MDFIC: variants seen among roughly 807,000 people sequenced by gnomAD.
MDFIC encodes MyoD family inhibitor domain containing.
Under a neutral mutation model 23.2 loss-of-function variants are expected in MDFIC, and 17 were observed. The observed-to-expected ratio is 0.73, with a 90% confidence interval of 0.50 to 1.10. The LOEUF is 1.10. MDFIC is among the 50% of genes least tolerant of loss of function. The pLI is 0.00. For synonymous variants in MDFIC, 120 were observed against 115.2 expected, an observed-to-expected ratio of 1.04 and a Z score of -0.27; for missense variants, 356 against 316.6, an observed-to-expected ratio of 1.12 and a Z score of -0.95.
At chr7:114,924,541 C>T (rs1792153307) in intron 2 of MDFIC, among the ~76,000 whole-genome samples, 1 of 151,968 alleles carries the variant, frequency 6.6e-6, no homozygotes, top group South Asian at 2.1e-4. Flanking sequence ...TGGATGGTGT[C>T]ATGTGATCTG....
At chr7:114,998,988 G>A (rs1346664731) in intron 4 of MDFIC, among the ~76,000 whole-genome samples, 1 of 151,994 alleles carries the variant, frequency 6.6e-6, no homozygotes, top group Non-Finnish European at 1.5e-5. Flanking sequence ...TCTCATTTTG[G>A]TTGTTACTCC....
At chr7:114,927,951 A>T (rs573771056) in intron 2 of MDFIC, among the ~76,000 whole-genome samples, 1 of 148,794 alleles carries the variant, frequency 6.7e-6, no homozygotes, top group African/African-American at 2.5e-5. Flanking sequence ...GGTTTAAAAC[A>T]CTTTTTGAAT....
At position 114,937,557 on chromosome 7, in the gene MDFIC, A is replaced by G. The variant is rs192739494; in HGVS notation, c.95-4718A>G. ...TTCATTCATCCAGTTCAACCCTCTC[A>G]TTTCCTGATGAAGAGGATGAAGACA... On this transcript the variant is annotated intron_variant, in intron 2 of 4. Transcript: ENST00000393486. Among the ~76,000 whole-genome samples, 15 of 152,254 alleles carry G rather than the reference A, an allele frequency of 9.9e-5. No homozygotes were observed. In the East Asian group the frequency reaches 2.9e-3, roughly 29 times the overall value.
At chr7:114,942,917 G>A (rs1158059495) in intron 3 of MDFIC, among the ~76,000 whole-genome samples, 1 of 152,186 alleles carries the variant, frequency 6.6e-6, no homozygotes, top group Non-Finnish European at 1.5e-5. Context: ...GCAATACCTT[G>A]TCTTTTGGGT....
intron 2 of MDFIC, among the ~76,000 whole-genome samples, chr7:114,930,840 G>A (rs998522215): frequency 6.6e-6 from 1 of 152,198 alleles, no homozygotes; most frequent in Non-Finnish European, 1.5e-5. Flanking sequence ...TACAAAGGCA[G>A]AGGATAAATC....
intron 3 of MDFIC, among the ~76,000 whole-genome samples, chr7:114,968,909 G>A (rs189951347): frequency 7.2e-5 from 11 of 152,190 alleles, no homozygotes; most frequent in South Asian, 4.1e-4. Flanking sequence ...TTGTATGCTC[G>A]TCTACGTAAT....
At chr7:114,971,302 G>C (rs961394207) in intron 3 of MDFIC, among the ~76,000 whole-genome samples, 2 of 152,096 alleles carry the variant, frequency 1.3e-5, no homozygotes, top group Admixed American at 6.6e-5. Context: ...TCCCATTCTT[G>C]CCTTTACTTA....
At chr7:114,931,472 C>A (rs1236392231) in intron 2 of MDFIC, among the ~76,000 whole-genome samples, 1 of 151,940 alleles carries the variant, frequency 6.6e-6, no homozygotes, top group Non-Finnish European at 1.5e-5. Flanking sequence ...AGGGGAAAAC[C>A]CTGCCCACAA....
chr7:115,018,081 A>T lies in MDFIC; in HGVS notation c.*2146A>T, dbSNP rs1585126804. 2 of 152,010 alleles carry T rather than the reference A, an allele frequency of 1.3e-5. No individual in the cohort carries two copies. The highest frequency in any genetic ancestry group is 4.8e-5 in the African/African-American group (2 of 41,458). 9.4% of individuals were successfully genotyped at this position (152,010 alleles called of 1,614,324 possible). Reference sequence around the variant, plus strand: ...CAAAACCTTTAAATTTTGGGATCTGAATATAATTCTGGTAAACAGCTGTCT... The same window carrying T: ...CAAAACCTTTAAATTTTGGGATCTGTATATAATTCTGGTAAACAGCTGTCT... On this transcript the variant is annotated 3_prime_UTR_variant, in exon 5 of 5. Coordinates refer to ENST00000393486, the MANE Select transcript of MDFIC (RefSeq NM_001166345.3).
chr7:114,922,556 G>T lies in MDFIC; in HGVS notation c.-188G>T. 6.3e-6 allele frequency: 8 copies of T among 1,268,832 alleles called. No individual in the cohort carries two copies. Among genetic ancestry groups the T allele is most frequent in the Non-Finnish European group, 8.0e-6 (8 of 1,000,812 alleles). The allele number at this position is 1,268,832 out of a possible 1,614,324, so 78.6% of individuals were successfully genotyped here. A position where few individuals can be genotyped will look rare whatever the true frequency, so the allele number is the denominator to read the frequency against. On this transcript the variant is annotated 5_prime_UTR_variant, in exon 1 of 5. Coordinates refer to ENST00000393486, the MANE Select transcript of MDFIC (RefSeq NM_001166345.3). ...CCGGGGCGAAAATGCGGCCGCTGCC[G>T]GAGGCTCGCTAACTTTCCGGGGCGG...
In MDFIC at chr7:115,015,716, C is replaced by G; in HGVS notation, c.522C>G (p.Cys174Trp). Residue 174 changes from cysteine (C) to tryptophan (W), a missense_variant, in exon 5 of 5, where the codon TGC becomes TGG. Physicochemically the swap from Cys to Trp is radical, Grantham distance 215 (BLOSUM62 -2). Transcript: ENST00000393486. ...EDCCVHCILA[C>W]LFCEFLTLCN... ...GTTGTGTCCACTGTATCCTGGCTTG[C>G]TTGTTCTGCGAATTCCTGACCCTTT... The G allele has an allele frequency of 6.2e-7, 1 of 1,614,170 alleles. No individual in the cohort carries two copies. Among genetic ancestry groups the G allele is most frequent in the Non-Finnish European group, 8.5e-7 (1 of 1,180,016 alleles).
chr7:114,926,043 G>A (rs968803975), intron 2 of MDFIC, among the ~76,000 whole-genome samples: 1 of 152,138 alleles, frequency 6.6e-6, no homozygotes, highest in African/African-American at 2.4e-5. Context: ...AGAGATAATG[G>A]ATCTTGTTTG....
At chr7:114,962,059 G>A (rs1035665484) in intron 3 of MDFIC, among the ~76,000 whole-genome samples, 21 of 152,144 alleles carry the variant, frequency 1.4e-4, no homozygotes, top group Non-Finnish European at 3.1e-4. Flanking sequence ...ATAATGAAGT[G>A]GGTTCTTACA....
chr7:115,009,129 A>T (rs1160561968), intron 4 of MDFIC, among the ~76,000 whole-genome samples: 1 of 152,232 alleles, frequency 6.6e-6, no homozygotes, highest in Admixed American at 6.5e-5. Context: ...TTTGTTTCTC[A>T]GCATGTAGTT....
At chr7:114,923,678 C>T in intron 2 of MDFIC, 1 of 1,406,754 alleles carries the variant, frequency 7.1e-7, no homozygotes, top group Non-Finnish European at 9.3e-7. Context: ...AATGAATTAG[C>T]TTCTTTGTGT....
chr7:114,925,675 G>A (rs985998758), intron 2 of MDFIC, among the ~76,000 whole-genome samples: 3 of 152,180 alleles, frequency 2.0e-5, no homozygotes, highest in African/African-American at 7.2e-5. Context: ...TCATGGGCCA[G>A]GAAACAACAT....
intron 4 of MDFIC, among the ~76,000 whole-genome samples, chr7:115,009,380 T>G (rs1028169738): frequency 6.6e-6 from 1 of 152,178 alleles, no homozygotes; most frequent in East Asian, 1.9e-4. Context: ...ATGAAAGAGA[T>G]AAAAGAGGCT....
At chr7:114,937,084 A>G (rs183194519) in intron 2 of MDFIC, among the ~76,000 whole-genome samples, 2,267 of 152,232 alleles carry the variant, frequency 0.015, 37 homozygotes, top group Middle Eastern at 0.048. Flanking sequence ...AAGTAAAACT[A>G]CCAAGTTTTA....
intron 4 of MDFIC, among the ~76,000 whole-genome samples, chr7:115,015,198 G>A (rs912418457): frequency 6.6e-6 from 1 of 152,142 alleles, no homozygotes; most frequent in Non-Finnish European, 1.5e-5. Context: ...TTTAACTATT[G>A]AATTAATTTT....
Sources: allele counts gnomAD v4.1 joint callset (sites outside exome capture counted in the v4.1 genomes callset), GRCh38; gene constraint gnomAD v4.1.1; transcripts MANE v1.5; gene names NCBI Gene and HGNC (gene_info 2026-07-23, HGNC 2026-07-21).